HCN1: variants seen among roughly 807,000 people sequenced by gnomAD.
The protein encoded by HCN1 is potassium/sodium hyperpolarization-activated cyclic nucleotide-gated channel 1.
In HCN1, 13 loss-of-function variants were observed where a neutral mutation model predicts 78.9. That is an observed-to-expected ratio of 0.16 (90% CI 0.11 to 0.26). HCN1 has a LOEUF of 0.26. HCN1 is among the 10% of genes least tolerant of loss of function. The probability of loss-of-function intolerance (pLI) is 1.00; values close to 1 mark genes in which losing one functional copy is unlikely to be tolerated. For synonymous variants in HCN1, 552 were observed against 455.5 expected, an observed-to-expected ratio of 1.21 and a Z score of -2.70; for missense variants, 810 against 1,154.3, an observed-to-expected ratio of 0.70 and a Z score of 4.32.
intron 3 of HCN1, among the ~76,000 whole-genome samples, chr5:45,444,268 T>G (rs1221889789): frequency 6.6e-6 from 1 of 152,178 alleles, no homozygotes; most frequent in Non-Finnish European, 1.5e-5. Flanking sequence ...TTTATTTAAA[T>G]GAATTTATAA....
chr5:45,372,152 A>ATATATTATATATATAATATAATT (rs1747400956), intron 4 of HCN1, among the ~76,000 whole-genome samples: 3 of 58,514 alleles, frequency 5.1e-5, no homozygotes, highest in African/African-American at 3.0e-4. Flanking sequence ...TATATTATAT[A>ATATATTATATATATAATATAATT]ATATGTTATT....
intron 2 of HCN1, among the ~76,000 whole-genome samples, chr5:45,474,607 C>T (rs150376762): frequency 1.3e-5 from 2 of 152,016 alleles, no homozygotes; most frequent in African/African-American, 2.4e-5. Context: ...AAAGGGCAAG[C>T]TCTTCAGTTT....
intron 2 of HCN1, among the ~76,000 whole-genome samples, chr5:45,526,065 T>C (rs991091795): frequency 5.3e-5 from 8 of 152,014 alleles, no homozygotes; most frequent in African/African-American, 1.9e-4. Context: ...GTTGGTACCC[T>C]GATCTTAGAC....
intron 2 of HCN1, among the ~76,000 whole-genome samples, chr5:45,538,140 G>A (rs747779627): frequency 3.3e-5 from 5 of 151,956 alleles, no homozygotes; most frequent in Non-Finnish European, 7.4e-5. Flanking sequence ...TTCTAGGTGA[G>A]CTTTCAAAAT....
chr5:45,668,825 T>TA (rs962031525), intron 1 of HCN1, among the ~76,000 whole-genome samples: 22 of 150,302 alleles, frequency 1.5e-4, no homozygotes, highest in African/African-American at 2.7e-4. Context: ...AACAATTTTA[T>TA]AAAAAAAAAA....
rs1740013072 is a variant in HCN1 at position 45,696,305 on chromosome 5, T to G, written c.-212A>C. ...CTCCCGCCGCCGCCGCTGCCCTTAG[T>G]GGCTGCGGTCCGGGCTCCGGTGCGG... On this transcript the variant is annotated 5_prime_UTR_variant, in exon 1 of 8. Transcript: ENST00000303230. 6.2e-6 allele frequency: 1 copy of G among 160,098 alleles called. No homozygotes were observed. The highest frequency in any genetic ancestry group is 6.4e-5 in the Admixed American group (1 of 15,548). 9.9% of individuals were successfully genotyped at this position (160,098 alleles called of 1,614,324 possible).
chr5:45,670,534 T>C (rs577666211), intron 1 of HCN1, among the ~76,000 whole-genome samples: 1 of 151,842 alleles, frequency 6.6e-6, no homozygotes, highest in East Asian at 1.9e-4. Flanking sequence ...AAAAATATGA[T>C]ATAATTTTGG....
At chr5:45,383,629 G>T (rs1436676092) in intron 4 of HCN1, among the ~76,000 whole-genome samples, 1 of 152,154 alleles carries the variant, frequency 6.6e-6, no homozygotes, top group African/African-American at 2.4e-5. Flanking sequence ...AGGAGGCAGA[G>T]GTTGCGGTGA....
chr5:45,469,061 G>A (rs1482500606), intron 2 of HCN1, among the ~76,000 whole-genome samples: 2 of 151,880 alleles, frequency 1.3e-5, no homozygotes, highest in Non-Finnish European at 2.9e-5. Flanking sequence ...TTTTGGTATA[G>A]TTATATTTTA....
intron 2 of HCN1, among the ~76,000 whole-genome samples, chr5:45,528,670 A>G (rs1742786375): frequency 6.6e-6 from 1 of 151,968 alleles, no homozygotes; most frequent in African/African-American, 2.4e-5. Context: ...AAAAGAGAAA[A>G]CAGAAAGATA....
chr5:45,521,954 TAG>T (rs1742621685), intron 2 of HCN1, among the ~76,000 whole-genome samples: 2 of 152,036 alleles, frequency 1.3e-5, no homozygotes, highest in Admixed American at 6.6e-5. Context: ...AAGAATATTC[TAG>T]AGTCTTACTT....
intron 4 of HCN1, among the ~76,000 whole-genome samples, chr5:45,363,797 A>G (rs1747173923): frequency 6.6e-6 from 1 of 151,940 alleles, no homozygotes; most frequent in Admixed American, 6.6e-5. Context: ...TGCTGTCGCC[A>G]AATAAGAAGT....
chr5:45,351,819 A>G (rs1561120079), intron 5 of HCN1, among the ~76,000 whole-genome samples: 1 of 151,804 alleles, frequency 6.6e-6, no homozygotes, highest in African/African-American at 2.4e-5. Context: ...AATCAAAACC[A>G]CAATGAGACA....
chr5:45,506,824 G>C (rs1742311676), intron 2 of HCN1, among the ~76,000 whole-genome samples: 1 of 151,964 alleles, frequency 6.6e-6, no homozygotes, highest in Admixed American at 6.6e-5. Flanking sequence ...TATCATAAAA[G>C]CTCACTGAGA....
At chr5:45,372,791 ATATT>A (rs1031106525) in intron 4 of HCN1, among the ~76,000 whole-genome samples, 2 of 141,500 alleles carry the variant, frequency 1.4e-5, no homozygotes, top group African/African-American at 2.6e-5. Context: ...ATACACAAAA[ATATT>A]TACGTATTCT....
At chr5:45,372,342 T>C (rs1046924623) in intron 4 of HCN1, among the ~76,000 whole-genome samples, 3 of 104,428 alleles carry the variant, frequency 2.9e-5, no homozygotes, top group African/African-American at 8.1e-5. Context: ...ATATATATCA[T>C]ATATATTTTA....
chr5:45,600,127 A>G (rs111381180), intron 2 of HCN1, among the ~76,000 whole-genome samples: 143 of 152,094 alleles, frequency 9.4e-4, no homozygotes, highest in Non-Finnish European at 1.8e-3. Flanking sequence ...AAGTAATTAT[A>G]GTTTTAGGCA....
chr5:45,374,124 T>C (rs1579851514), intron 4 of HCN1, among the ~76,000 whole-genome samples: 3 of 112,086 alleles, frequency 2.7e-5, no homozygotes, highest in Admixed American at 1.2e-4. Context: ...ATAATATATA[T>C]AATATATATT....
chr5:45,330,950 A>G (rs1049680763), intron 5 of HCN1, among the ~76,000 whole-genome samples: 1 of 151,388 alleles, frequency 6.6e-6, no homozygotes, highest in South Asian at 2.1e-4. Flanking sequence ...ATGTTATTTT[A>G]TATGCCTTTG....
Sources: gnomAD v4.1 joint callset for allele counts (sites outside exome capture counted in the v4.1 genomes callset) on GRCh38, gnomAD v4.1.1 for gene constraint, MANE v1.5 for transcripts, NCBI Gene and HGNC (gene_info 2026-07-23, HGNC 2026-07-21) for gene names.